The following RETREG1 variants were observed in gnomAD, a reference collection of about 807,000 sequenced individuals.
The protein encoded by RETREG1 is family with sequence similarity 134 member B.
RETREG1 carries 44 observed loss-of-function variants against 54.8 expected under a neutral mutation model. That is an observed-to-expected ratio of 0.80 (90% confidence interval 0.63 to 1.03). RETREG1 has a LOEUF of 1.03. Among genes scored for constraint, RETREG1 ranks in the 50% least tolerant of loss-of-function variants. RETREG1 has a pLI of 0.00. For missense variants in RETREG1, 554 were observed against 605.1 expected (o/e 0.92, Z 0.89); for synonymous variants, 217 against 238.5 (o/e 0.91, Z 0.83).
chr5:16,615,126 A>G (rs1235093732), intron 1 of RETREG1, among the ~76,000 whole-genome samples: 1 of 152,192 alleles, frequency 6.6e-6, no homozygotes, highest in Non-Finnish European at 1.5e-5. Context: ...GGCCGGGCGC[A>G]GTAGCTCACG....
At chr5:16,616,518 G>A in intron 1 of RETREG1, 134 bp downstream of exon 1, 3 of 1,430,896 alleles carry the variant, frequency 2.1e-6, no homozygotes, top group Non-Finnish European at 1.9e-6. Context: ...ACAGGTGGCC[G>A]AGAAAGTGGG....
chr5:16,596,292 C>G (rs26607), intron 1 of RETREG1, among the ~76,000 whole-genome samples: 45,375 of 152,094 alleles, frequency 0.3, 7,500 homozygotes, highest in Non-Finnish European at 0.37. Context: ...CAGACTAGTG[C>G]CTTCAAAGAA....
chr5:16,591,052 T>C (rs886151282), intron 1 of RETREG1, among the ~76,000 whole-genome samples: 4 of 152,080 alleles, frequency 2.6e-5, no homozygotes, highest in African/African-American at 9.7e-5. Flanking sequence ...ATATCTATCA[T>C]AGCACAGAAT....
chr5:16,614,557 T>C (rs1173790051), intron 1 of RETREG1, among the ~76,000 whole-genome samples: 1 of 152,176 alleles, frequency 6.6e-6, no homozygotes, highest in African/African-American at 2.4e-5. Context: ...GTCATACACA[T>C]TGCTGGTGGG....
intron 3 of RETREG1, among the ~76,000 whole-genome samples, chr5:16,514,152 G>A (rs764807411): frequency 2.0e-5 from 3 of 152,196 alleles, no homozygotes; most frequent in Non-Finnish European, 4.4e-5. Flanking sequence ...AGCTGGGTTT[G>A]GGGAGAGGAG....
intron 4 of RETREG1, among the ~76,000 whole-genome samples, chr5:16,481,588 T>A (rs746164236): frequency 1.3e-5 from 2 of 152,034 alleles, no homozygotes; most frequent in Non-Finnish European, 2.9e-5. Flanking sequence ...TACACAAATC[T>A]AATGTAATTT....
At chr5:16,497,650 C>T (rs977319019) in intron 3 of RETREG1, among the ~76,000 whole-genome samples, 2 of 152,158 alleles carry the variant, frequency 1.3e-5, no homozygotes, top group African/African-American at 2.4e-5. Flanking sequence ...GAAAGTTTAT[C>T]TAAATAAAGA....
intron 3 of RETREG1, among the ~76,000 whole-genome samples, chr5:16,563,635 T>A (rs949179798): frequency 2.0e-5 from 3 of 152,192 alleles, no homozygotes; most frequent in Non-Finnish European, 4.4e-5. Context: ...GTTCCTATCC[T>A]TTATCATATT....
At chr5:16,500,626 A>G (rs985704332) in intron 3 of RETREG1, among the ~76,000 whole-genome samples, 1 of 152,164 alleles carries the variant, frequency 6.6e-6, no homozygotes, top group Non-Finnish European at 1.5e-5. Flanking sequence ...CAGCTGCACA[A>G]AAGACATATG....
intron 2 of RETREG1, among the ~76,000 whole-genome samples, chr5:16,569,555 C>G (rs1266738611): frequency 6.6e-6 from 1 of 152,180 alleles, no homozygotes; most frequent in East Asian, 1.9e-4. Context: ...GCGAAGTAGA[C>G]AGCTACTGTG....
At chr5:16,481,752 C>T (rs906946709) in intron 4 of RETREG1, among the ~76,000 whole-genome samples, 4 of 152,016 alleles carry the variant, frequency 2.6e-5, no homozygotes, top group African/African-American at 9.7e-5. Context: ...TTCCTTCTGT[C>T]ATTTATGGTT....
chr5:16,607,237 A>G (rs1401202563), intron 1 of RETREG1, among the ~76,000 whole-genome samples: 3 of 151,954 alleles, frequency 2.0e-5, no homozygotes, highest in Non-Finnish European at 4.4e-5. Flanking sequence ...CACTTTCACC[A>G]CTAGAATATA....
chr5:16,546,176 T>A (rs1381942199), intron 3 of RETREG1, among the ~76,000 whole-genome samples: 1 of 152,208 alleles, frequency 6.6e-6, no homozygotes, highest in African/African-American at 2.4e-5. Flanking sequence ...TTTATATCTT[T>A]TTTTTTTCTT....
At chr5:16,498,984 T>TTTG (rs1434695705) in intron 3 of RETREG1, among the ~76,000 whole-genome samples, 8 of 152,184 alleles carry the variant, frequency 5.3e-5, no homozygotes, top group Non-Finnish European at 8.8e-5. Flanking sequence ...GTAATAACGC[T>TTTG]TACCCTAAAA....
intron 8 of RETREG1, among the ~76,000 whole-genome samples, chr5:16,475,709 G>A (rs917510689): frequency 4.6e-5 from 7 of 152,050 alleles, no homozygotes; most frequent in Admixed American, 4.6e-4. Context: ...ATCTATTTCA[G>A]TGCCTGTAAT....
At chr5:16,578,111 T>A (rs1742384885) in intron 1 of RETREG1, among the ~76,000 whole-genome samples, 1 of 152,198 alleles carries the variant, frequency 6.6e-6, no homozygotes, top group Admixed American at 6.5e-5. Context: ...AGCTACCCCG[T>A]CTTATTCAGG....
chr5:16,562,238 C>A (rs542811374), intron 3 of RETREG1, among the ~76,000 whole-genome samples: 1 of 152,278 alleles, frequency 6.6e-6, no homozygotes, highest in Non-Finnish European at 1.5e-5. Flanking sequence ...TGGCTTGAAC[C>A]CAGGAGGCGG....
At chr5:16,542,718 A>G (rs1232826286) in intron 3 of RETREG1, among the ~76,000 whole-genome samples, 1 of 152,246 alleles carries the variant, frequency 6.6e-6, no homozygotes, top group Non-Finnish European at 1.5e-5. Context: ...TGTCAGAACT[A>G]GCTCTGGAAT....
chr5:16,530,852 A>G (rs967070080), intron 3 of RETREG1, among the ~76,000 whole-genome samples: 3 of 150,302 alleles, frequency 2.0e-5, no homozygotes. Flanking sequence ...ACAAAGCAAG[A>G]CTCCGTCTCA....
Sources: allele counts gnomAD v4.1 joint callset (sites outside exome capture counted in the v4.1 genomes callset), GRCh38; gene constraint gnomAD v4.1.1; transcripts MANE v1.5; gene names NCBI Gene and HGNC (gene_info 2026-07-23, HGNC 2026-07-21).